Variants in TCF12 observed in about 807,000 individuals in gnomAD.
The protein encoded by TCF12 is DNA-binding protein HTF4.
Under a neutral mutation model 86.0 loss-of-function variants are expected in TCF12, and 45 were observed. The ratio of observed to expected loss-of-function variants is 0.52; its 90% CI spans 0.41 to 0.67. The LOEUF is 0.67. Among genes scored for constraint, TCF12 ranks in the 30% least tolerant of loss-of-function variants. The pLI, the probability that TCF12 is intolerant of heterozygous loss-of-function variation, is 0.00. For synonymous variants in TCF12, 330 were observed against 299.6 expected (o/e 1.10, Z -1.05); for missense variants, 881 against 859.9 (o/e 1.02, Z -0.31).
At chr15:57,222,758 ATTTTTTTTTTTTTTTTTTTTTT>A (rs57645813) in intron 8 of TCF12, among the ~76,000 whole-genome samples, 1,059 of 45,582 alleles carry the variant, frequency 0.023, 37 homozygotes, top group Admixed American at 0.034. Context: ...AAGGACTGCC[ATTTTTTTTTTTTTTTTTTTTTT>A]TTTTTTTTTT....
chr15:57,171,291 TCAG>T (rs2055478980), intron 6 of TCF12, among the ~76,000 whole-genome samples: 1 of 151,888 alleles, frequency 6.6e-6, no homozygotes, highest in Non-Finnish European at 1.5e-5. Context: ...AGCCCAAAAT[TCAG>T]CAGAGTGGAA....
At chr15:57,192,781 T>C (rs2057052226) in intron 7 of TCF12, among the ~76,000 whole-genome samples, 2 of 152,220 alleles carry the variant, frequency 1.3e-5, no homozygotes, top group Non-Finnish European at 2.9e-5. Flanking sequence ...CCATTAAATA[T>C]TTAATAAATG....
intron 6 of TCF12, among the ~76,000 whole-genome samples, chr15:57,171,213 C>T (rs2055469142): frequency 6.6e-6 from 1 of 151,228 alleles, no homozygotes; most frequent in Admixed American, 6.6e-5. Context: ...TAAAGATATT[C>T]AGATGAGAGA....
At chr15:57,122,935 A>T (rs2051343038) in intron 5 of TCF12, among the ~76,000 whole-genome samples, 1 of 152,212 alleles carries the variant, frequency 6.6e-6, no homozygotes, top group Non-Finnish European at 1.5e-5. Flanking sequence ...AGACCAACTA[A>T]AAAACAGCTT....
chr15:56,971,668 A>T lies in TCF12; in HGVS notation c.148+50570A>T, dbSNP rs1056293637. 2.6e-5 allele frequency among the ~76,000 whole-genome samples: 4 copies of T among 152,328 alleles called. No homozygotes were observed. The South Asian group carries it at 8.3e-4, about 32-fold the overall frequency. ...GAGTGGGAAAGTGTAAGATTTCACC[A>T]TGCTACTCAGACGCTACTAAGAATG... On this transcript the variant is annotated intron_variant, in intron 3 of 20. Coordinates refer to ENST00000333725, the MANE Select transcript of TCF12 (RefSeq NM_207037.2).
intron 6 of TCF12, among the ~76,000 whole-genome samples, chr15:57,182,449 A>G (rs1183741677): frequency 6.6e-6 from 1 of 152,022 alleles, no homozygotes; most frequent in Non-Finnish European, 1.5e-5. Flanking sequence ...ATTTTGTCTT[A>G]AACTTTTTGT....
chr15:56,949,101 A>G (rs531640998), intron 3 of TCF12, among the ~76,000 whole-genome samples: 1 of 152,302 alleles, frequency 6.6e-6, no homozygotes, highest in South Asian at 2.1e-4. Flanking sequence ...ATACATTGAA[A>G]TTTTGGATTT....
At chr15:57,129,996 A>C (rs1029745983) in intron 5 of TCF12, 1 of 152,206 alleles carries the variant, frequency 6.6e-6, no homozygotes, top group Admixed American at 6.5e-5. Context: ...GTTACTGTAT[A>C]TGATACTGTC....
At chr15:57,128,467 A>G (rs565164968) in intron 5 of TCF12, among the ~76,000 whole-genome samples, 2 of 152,212 alleles carry the variant, frequency 1.3e-5, no homozygotes, top group African/African-American at 4.8e-5. Flanking sequence ...TTTAGAATTC[A>G]GTGGGGTTTT....
chr15:56,991,562 A>G (rs1484995753), intron 3 of TCF12, among the ~76,000 whole-genome samples: 1 of 152,258 alleles, frequency 6.6e-6, no homozygotes, highest in Non-Finnish European at 1.5e-5. Context: ...GATCTTATCA[A>G]TATGCACTAT....
At chr15:56,936,064 C>G (rs1454773548) in intron 3 of TCF12, among the ~76,000 whole-genome samples, 1 of 152,146 alleles carries the variant, frequency 6.6e-6, no homozygotes, top group Non-Finnish European at 1.5e-5. Flanking sequence ...TAAGGAATCA[C>G]CACACTGTTT....
At chr15:56,999,734 C>A (rs8031516) in intron 3 of TCF12, among the ~76,000 whole-genome samples, 36,267 of 151,608 alleles carry the variant, frequency 0.24, 5,024 homozygotes, top group East Asian at 0.4. Flanking sequence ...ATTAGCTGGG[C>A]GTGGTGGTGC....
At chr15:57,216,039 A>G (rs1456584394) in intron 8 of TCF12, among the ~76,000 whole-genome samples, 1 of 152,144 alleles carries the variant, frequency 6.6e-6, no homozygotes, top group Non-Finnish European at 1.5e-5. Flanking sequence ...TCAGTAAAGA[A>G]GTAACTTGTT....
At chr15:56,941,765 G>A (rs1038266009) in intron 3 of TCF12, among the ~76,000 whole-genome samples, 3 of 151,554 alleles carry the variant, frequency 2.0e-5, no homozygotes, top group Admixed American at 6.6e-5. Flanking sequence ...GTGCCCAGCC[G>A]GAAAAAGCAT....
intron 18 of TCF12, among the ~76,000 whole-genome samples, chr15:57,267,143 T>C (rs1346562691): frequency 2.0e-5 from 3 of 152,226 alleles, no homozygotes; most frequent in Admixed American, 6.5e-5. Flanking sequence ...ATATATCTTA[T>C]ACAGATTTAA....
At chr15:56,937,692 T>G (rs1474203357) in intron 3 of TCF12, among the ~76,000 whole-genome samples, 1 of 152,152 alleles carries the variant, frequency 6.6e-6, no homozygotes, top group Non-Finnish European at 1.5e-5. Flanking sequence ...TTGTCATAGG[T>G]GGCTTTTATT....
intron 8 of TCF12, among the ~76,000 whole-genome samples, chr15:57,205,012 A>G (rs1223894715): frequency 6.6e-6 from 1 of 152,146 alleles, no homozygotes; most frequent in African/African-American, 2.4e-5. Context: ...GAGTGTGTTT[A>G]TAGGCAATTA....
chr15:57,072,178 T>C (rs1207819656), intron 4 of TCF12, among the ~76,000 whole-genome samples: 4 of 152,276 alleles, frequency 2.6e-5, no homozygotes, highest in East Asian at 3.9e-4. Context: ...AGTAATCAGA[T>C]TGCAAAGTTA....
At chr15:57,150,923 C>T (rs1190173795) in intron 5 of TCF12, among the ~76,000 whole-genome samples, 5 of 138,540 alleles carry the variant, frequency 3.6e-5, no homozygotes, top group Admixed American at 2.3e-4. Context: ...TCCTTCCTTC[C>T]TTCCTTCCTT....
Sources: gnomAD v4.1 joint callset for allele counts (sites outside exome capture counted in the v4.1 genomes callset) on GRCh38, gnomAD v4.1.1 for gene constraint, MANE v1.5 for transcripts, NCBI Gene and HGNC (gene_info 2026-07-23, HGNC 2026-07-21) for gene names.